EEIG2: variants seen among roughly 807,000 people sequenced by gnomAD.
EEIG2 encodes family with sequence similarity 102 member B.
the EEIG2 span, among the ~76,000 whole-genome samples, chr1:108,576,809 C>T: frequency 6.6e-6 from 1 of 151,544 alleles, no homozygotes; most frequent in African/African-American, 2.4e-5. Flanking sequence ...TGGGTATATA[C>T]CCAGTAATGG....
At chr1:108,602,975 A>G in the EEIG2 span, among the ~76,000 whole-genome samples, 1 of 152,184 alleles carries the variant, frequency 6.6e-6, no homozygotes, top group South Asian at 2.1e-4. Context: ...AATTCAACCC[A>G]TAACAGGCCC....
the EEIG2 span, among the ~76,000 whole-genome samples, chr1:108,619,188 T>C: frequency 6.6e-6 from 1 of 152,214 alleles, no homozygotes; most frequent in Non-Finnish European, 1.5e-5. Flanking sequence ...TCATCTAATG[T>C]TTTATATTAT....
chr1:108,586,801 T>G, the EEIG2 span, among the ~76,000 whole-genome samples: 1 of 152,188 alleles, frequency 6.6e-6, no homozygotes, highest in Non-Finnish European at 1.5e-5. Context: ...GGAAACTGGC[T>G]GATTGGAGCT....
the EEIG2 span, among the ~76,000 whole-genome samples, chr1:108,579,778 A>T: frequency 1.5e-4 from 20 of 136,128 alleles, no homozygotes; most frequent in African/African-American, 6.2e-4. Flanking sequence ...TGTGTGAGAG[A>T]GAGAGAGAGA....
chr1:108,561,412 T>G, the EEIG2 span, among the ~76,000 whole-genome samples: 1 of 152,212 alleles, frequency 6.6e-6, no homozygotes, highest in East Asian at 1.9e-4. Flanking sequence ...AATGAACTTT[T>G]GAGTTCCTGA....
At chr1:108,566,142 A>G in the EEIG2 span, among the ~76,000 whole-genome samples, 2 of 151,926 alleles carry the variant, frequency 1.3e-5, no homozygotes, top group African/African-American at 2.4e-5. Flanking sequence ...GATTATTTTA[A>G]TGGTGCATAT....
At chr1:108,567,237 G>C in the EEIG2 span, among the ~76,000 whole-genome samples, 1 of 152,056 alleles carries the variant, frequency 6.6e-6, no homozygotes. Flanking sequence ...TATAATACCT[G>C]TAATAATAGT....
the EEIG2 span, among the ~76,000 whole-genome samples, chr1:108,629,135 T>C: frequency 1.3e-5 from 2 of 152,250 alleles, no homozygotes; most frequent in African/African-American, 4.8e-5. Flanking sequence ...TTTAAGCCAC[T>C]GTTGTAATTT....
the EEIG2 span, among the ~76,000 whole-genome samples, chr1:108,574,610 G>A: frequency 1.2e-4 from 19 of 152,196 alleles, no homozygotes; most frequent in Non-Finnish European, 2.8e-4. Context: ...CATTAGCTGG[G>A]CGTGGTGGCA....
At chr1:108,586,462 G>C in the EEIG2 span, among the ~76,000 whole-genome samples, 1 of 152,044 alleles carries the variant, frequency 6.6e-6, no homozygotes, top group Non-Finnish European at 1.5e-5. Flanking sequence ...AATTTATACA[G>C]AGGAGAATAA....
chr1:108,635,113 G>T, the EEIG2 span: 3 of 1,614,084 alleles, frequency 1.9e-6, no homozygotes, highest in Admixed American at 5.0e-5. Context: ...TTTAGGGTGG[G>T]GTCTGGAGCT....
the EEIG2 span, among the ~76,000 whole-genome samples, chr1:108,577,090 GTCT>G: frequency 7.5e-6 from 1 of 134,048 alleles, no homozygotes; most frequent in Non-Finnish European, 1.6e-5. Context: ...CTGCATAAAT[GTCT>G]TCTTTTGAGA....
chr1:108,573,934 T>G, the EEIG2 span, among the ~76,000 whole-genome samples: 2 of 152,174 alleles, frequency 1.3e-5, no homozygotes, highest in African/African-American at 4.8e-5. Context: ...TTTTGCATTG[T>G]TGGGAATGTA....
At chr1:108,606,128 A>G in the EEIG2 span, 728 of 716,776 alleles carry the variant, frequency 1.0e-3, no homozygotes, top group Non-Finnish European at 1.5e-3. Context: ...GATATTTGCC[A>G]GCATATATAT....
At chr1:108,638,659 G>A in the EEIG2 span, 1 of 135,632 alleles carries the variant, frequency 7.4e-6, no homozygotes, top group African/African-American at 2.8e-5. Flanking sequence ...ACCAAGCACT[G>A]TAGTTGAAAT....
the EEIG2 span, among the ~76,000 whole-genome samples, chr1:108,594,281 G>T: frequency 6.6e-6 from 1 of 152,130 alleles, no homozygotes; most frequent in African/African-American, 2.4e-5. Context: ...CAAGAATATT[G>T]TAAGAATGTA....
chr1:108,574,887 G>A, the EEIG2 span, among the ~76,000 whole-genome samples: 1 of 152,012 alleles, frequency 6.6e-6, no homozygotes, highest in South Asian at 2.1e-4. Flanking sequence ...AACTAATATA[G>A]ACTCCATTAA....
chr1:108,629,786 G>A, the EEIG2 span: 1 of 715,142 alleles, frequency 1.4e-6, no homozygotes, highest in Non-Finnish European at 2.5e-6. Flanking sequence ...GTAGTTACAT[G>A]CGAAGAGTTA....
the EEIG2 span, chr1:108,626,315 A>G: frequency 6.6e-6 from 1 of 152,086 alleles, no homozygotes; most frequent in African/African-American, 2.4e-5. Context: ...TTCTCTTTCT[A>G]CCCAGCCAGA....
Sources: allele counts gnomAD v4.1 joint callset (sites outside exome capture counted in the v4.1 genomes callset), GRCh38; gene constraint gnomAD v4.1.1; transcripts MANE v1.5; gene names NCBI Gene and HGNC (gene_info 2026-07-23, HGNC 2026-07-21).